The following KCNIP4 variants were observed in gnomAD, a reference collection of about 807,000 sequenced individuals.
KCNIP4 encodes the protein Kv channel-interacting protein 4.
KCNIP4 carries 12 observed loss-of-function variants against 34.0 expected under a neutral mutation model. The observed-to-expected ratio is 0.35, with a 90% CI of 0.23 to 0.57. The LOEUF (loss-of-function observed/expected upper bound fraction) is 0.57, where lower values mean the gene tolerates loss of function less well. KCNIP4 is among the 20% of genes least tolerant of loss of function. KCNIP4 has a pLI of 0.83. For synonymous variants in KCNIP4, 124 were observed against 102.2 expected (o/e 1.21, Z -1.29); for missense variants, 238 against 311.7 (o/e 0.76, Z 1.78).
At chr4:21,177,078 G>T (rs893567197) in intron 1 of KCNIP4, among the ~76,000 whole-genome samples, 2 of 152,160 alleles carry the variant, frequency 1.3e-5, no homozygotes, top group African/African-American at 4.8e-5. Flanking sequence ...AGGAATTCCA[G>T]ATCCCTGAAC....
In KCNIP4 at chr4:20,897,980, A is replaced by G. The variant is rs75751926; in HGVS notation, c.62-15271T>C. Among the ~76,000 whole-genome samples, 80 of 152,344 alleles carry G rather than the reference A, an allele frequency of 5.3e-4. No homozygotes were observed. The East Asian group carries it at 8.9e-3, about 17-fold the overall frequency. On this transcript the variant is annotated intron_variant, in intron 1 of 8. Transcript: ENST00000382152. ...TGGGTCTGTGTTTCCAGAAGATAGT[A>G]GCATTCAAATCAGTAGACTGAGCAA...
At chr4:21,025,559 T>TG (rs1553928619) in intron 1 of KCNIP4, among the ~76,000 whole-genome samples, 1 of 122,796 alleles carries the variant, frequency 8.1e-6, no homozygotes. Context: ...TTTTTTTTTT[T>TG]TTTTTTTTTT....
intron 1 of KCNIP4, among the ~76,000 whole-genome samples, chr4:21,466,715 C>T (rs1200455210): frequency 1.3e-5 from 2 of 152,058 alleles, no homozygotes; most frequent in Non-Finnish European, 2.9e-5. Context: ...TATACAAATG[C>T]CCCAGATAAC....
chr4:21,073,200 G>C (rs1460340594), intron 1 of KCNIP4, among the ~76,000 whole-genome samples: 2 of 152,124 alleles, frequency 1.3e-5, no homozygotes, highest in Non-Finnish European at 2.9e-5. Context: ...TTGGTAGCTT[G>C]ATGGGGATGG....
chr4:21,018,243 C>T (rs1739727847), intron 1 of KCNIP4, among the ~76,000 whole-genome samples: 1 of 152,120 alleles, frequency 6.6e-6, no homozygotes, highest in African/African-American at 2.4e-5. Flanking sequence ...AGCTCCTTGA[C>T]GTTTGTCAAG....
At chr4:21,539,705 G>T (rs1217675569) in intron 1 of KCNIP4, among the ~76,000 whole-genome samples, 1 of 152,038 alleles carries the variant, frequency 6.6e-6, no homozygotes. Flanking sequence ...GTGAGGCCGG[G>T]CACAGTGGCT....
At chr4:21,621,067 A>G in intron 1 of KCNIP4, among the ~76,000 whole-genome samples, 1 of 152,210 alleles carries the variant, frequency 6.6e-6, no homozygotes, top group East Asian at 1.9e-4. Context: ...TTAAACCAGA[A>G]CACAGACAAA....
At chr4:20,864,021 T>C (rs868241279) in intron 2 of KCNIP4, among the ~76,000 whole-genome samples, 1 of 133,084 alleles carries the variant, frequency 7.5e-6, no homozygotes, top group Non-Finnish European at 1.6e-5. Flanking sequence ...TGTGTGTATG[T>C]ATACATACAT....
chr4:21,845,959 T>C (rs1213320051), intron 1 of KCNIP4: 3 of 150,426 alleles, frequency 2.0e-5, no homozygotes, highest in Non-Finnish European at 4.5e-5. Context: ...CTAGTGCTTA[T>C]ACGTGATTGC....
chr4:21,899,765 A>G (rs1184364456), intron 1 of KCNIP4, among the ~76,000 whole-genome samples: 1 of 152,162 alleles, frequency 6.6e-6, no homozygotes, highest in Admixed American at 6.5e-5. Flanking sequence ...GAAAACTACA[A>G]AGCACTGATG....
chr4:21,447,520 G>C (rs1031159202), intron 1 of KCNIP4, among the ~76,000 whole-genome samples: 83 of 152,020 alleles, frequency 5.5e-4, no homozygotes, highest in African/African-American at 2.0e-3. Context: ...CATCTGCAGG[G>C]GATACATTCC....
At chr4:21,416,680 A>C (rs1724979028) in intron 1 of KCNIP4, among the ~76,000 whole-genome samples, 1 of 152,242 alleles carries the variant, frequency 6.6e-6, no homozygotes, top group South Asian at 2.1e-4. Context: ...CTTGCACACA[A>C]GCATATTTCT....
At chr4:20,847,085 C>T (rs531744136) in intron 3 of KCNIP4, among the ~76,000 whole-genome samples, 9 of 152,292 alleles carry the variant, frequency 5.9e-5, no homozygotes, top group East Asian at 3.9e-4. Context: ...AGGCCAACCA[C>T]GACTGTCCCA....
At chr4:20,859,742 A>G (rs1312800652) in intron 2 of KCNIP4, among the ~76,000 whole-genome samples, 1 of 152,124 alleles carries the variant, frequency 6.6e-6, no homozygotes, top group Non-Finnish European at 1.5e-5. Flanking sequence ...TGCAAATTTG[A>G]CTCTAAGGGC....
At chr4:21,182,810 C>T (rs986779675) in intron 1 of KCNIP4, among the ~76,000 whole-genome samples, 1 of 151,836 alleles carries the variant, frequency 6.6e-6, no homozygotes, top group Non-Finnish European at 1.5e-5. Flanking sequence ...TTTTGAAATA[C>T]GTATGCATCA....
At chr4:21,449,459 T>C (rs1474237112) in intron 1 of KCNIP4, among the ~76,000 whole-genome samples, 1 of 152,074 alleles carries the variant, frequency 6.6e-6, no homozygotes, top group Admixed American at 6.6e-5. Context: ...ACTTTGGAGC[T>C]GATGATATTG....
chr4:20,896,541 A>T (rs1726551245), intron 1 of KCNIP4, among the ~76,000 whole-genome samples: 1 of 152,180 alleles, frequency 6.6e-6, no homozygotes, highest in Admixed American at 6.5e-5. Flanking sequence ...ACAGAGGCAA[A>T]GATTGAAGGG....
intron 1 of KCNIP4, among the ~76,000 whole-genome samples, chr4:21,058,143 C>A (rs987652589): frequency 2.0e-5 from 3 of 152,080 alleles, no homozygotes; most frequent in Non-Finnish European, 2.9e-5. Flanking sequence ...TTTTGGGTTT[C>A]TTCTCTCTCT....
At chr4:21,749,265 C>T (rs533811218) in intron 1 of KCNIP4, among the ~76,000 whole-genome samples, 3 of 152,222 alleles carry the variant, frequency 2.0e-5, no homozygotes, top group African/African-American at 7.2e-5. Context: ...AAAATTGATG[C>T]CAAACCTAAG....
Sources: allele counts gnomAD v4.1 joint callset (sites outside exome capture counted in the v4.1 genomes callset), GRCh38; gene constraint gnomAD v4.1.1; transcripts MANE v1.5; gene names NCBI Gene and HGNC (gene_info 2026-07-23, HGNC 2026-07-21).